Variants in DLG2 observed in about 807,000 individuals in gnomAD.
DLG2 encodes the protein discs large MAGUK scaffold protein 2.
DLG2 carries 45 observed loss-of-function variants against 132.5 expected under a neutral mutation model. That is an observed-to-expected ratio of 0.34 (90% CI 0.27 to 0.44). The LOEUF (loss-of-function observed/expected upper bound fraction) is 0.44. Among genes scored for constraint, DLG2 ranks in the 20% least tolerant of loss-of-function variants. The pLI is 1.00. For missense variants in DLG2, 1,045 were observed against 1,196.9 expected, an observed-to-expected ratio of 0.87 and a Z score of 1.87; for synonymous variants, 424 against 419.6, an observed-to-expected ratio of 1.01 and a Z score of -0.13.
chr11:84,796,193 T>C (rs930713035), intron 6 of DLG2, among the ~76,000 whole-genome samples: 1 of 152,222 alleles, frequency 6.6e-6, no homozygotes, highest in Non-Finnish European at 1.5e-5. Flanking sequence ...TGTATGCCTG[T>C]ATCAAAACAT....
intron 15 of DLG2, among the ~76,000 whole-genome samples, chr11:83,903,887 G>A (rs917818324): frequency 2.6e-5 from 4 of 152,040 alleles, no homozygotes; most frequent in Admixed American, 2.0e-4. Flanking sequence ...AACTGCAGGT[G>A]GTAATGGACC....
At chr11:84,322,047 G>A (rs1366395796) in intron 7 of DLG2, among the ~76,000 whole-genome samples, 1 of 152,090 alleles carries the variant, frequency 6.6e-6, no homozygotes, top group South Asian at 2.1e-4. Flanking sequence ...TTGCTAGTAG[G>A]GCAATGAAAG....
intron 6 of DLG2, among the ~76,000 whole-genome samples, chr11:84,582,076 T>C (rs1453634674): frequency 6.6e-6 from 1 of 152,060 alleles, no homozygotes; most frequent in East Asian, 1.9e-4. Flanking sequence ...AACTCAGGCC[T>C]GTCAGATAAG....
rs570092225 is a variant in DLG2, at chr11:85,427,144, C to T, written c.41-141779G>A. 3.9e-5 allele frequency among the ~76,000 whole-genome samples: 6 copies of T among 152,292 alleles called. No individual in the cohort carries two copies. The East Asian group carries it at 1.2e-3, about 29-fold the overall frequency. On this transcript the variant is annotated intron_variant, in intron 3 of 27. Coordinates refer to ENST00000376104, the MANE Select transcript of DLG2 (RefSeq NM_001142699.3). ...GGACTATGTGAAAAGACCAAATCTA[C>T]ATCGATTGGTGTACCTGAAAGTGAA...
At chr11:83,805,152 A>C (rs1411443698) in intron 17 of DLG2, among the ~76,000 whole-genome samples, 1 of 152,140 alleles carries the variant, frequency 6.6e-6, no homozygotes, top group East Asian at 1.9e-4. Flanking sequence ...CTATTTTGCA[A>C]ATAACAATCT....
At chr11:85,553,570 A>G (rs1465268169) in intron 3 of DLG2, among the ~76,000 whole-genome samples, 1 of 151,634 alleles carries the variant, frequency 6.6e-6, no homozygotes, top group Non-Finnish European at 1.5e-5. Context: ...AAAAACTGAT[A>G]TTAATTGATT....
At chr11:84,238,042 TAAAAAA>T (rs71036414) in intron 8 of DLG2, among the ~76,000 whole-genome samples, 1 of 73,110 alleles carries the variant, frequency 1.4e-5, no homozygotes, top group Non-Finnish European at 2.6e-5. Context: ...AGACTCTGCC[TAAAAAA>T]AAAAAAAAAA....
chr11:85,395,283 T>G (rs1389732247), intron 3 of DLG2, among the ~76,000 whole-genome samples: 1 of 152,190 alleles, frequency 6.6e-6, no homozygotes. Context: ...AAGAAGCAGT[T>G]GCTTCCAGGG....
intron 16 of DLG2, among the ~76,000 whole-genome samples, chr11:83,850,973 G>A (rs765972571): frequency 3.3e-5 from 5 of 151,924 alleles, no homozygotes; most frequent in African/African-American, 4.8e-5. Flanking sequence ...TCAGGAGATC[G>A]AGATCATCCT....
At chr11:84,537,612 T>A (rs17734964) in intron 6 of DLG2, among the ~76,000 whole-genome samples, 12,923 of 152,308 alleles carry the variant, frequency 0.085, 562 homozygotes, top group South Asian at 0.12. Context: ...AACTTCTTCA[T>A]GTGCATGTTC....
At chr11:84,012,486 T>C (rs561133605) in intron 11 of DLG2, among the ~76,000 whole-genome samples, 132 of 152,294 alleles carry the variant, frequency 8.7e-4, no homozygotes, top group African/African-American at 2.7e-3. Context: ...GGCATTTATA[T>C]ATTGCATGTA....
chr11:83,750,741 T>A (rs115430753), intron 18 of DLG2, among the ~76,000 whole-genome samples: 2 of 152,052 alleles, frequency 1.3e-5, no homozygotes, highest in African/African-American at 4.8e-5. Context: ...TCAAAACATA[T>A]AGAATAAAAA....
intron 3 of DLG2, chr11:85,469,215 T>C (rs2092906945): frequency 6.6e-6 from 1 of 152,210 alleles, no homozygotes; most frequent in Non-Finnish European, 1.5e-5. Context: ...TTTACCACTT[T>C]GGTCAAAAGA....
chr11:83,462,040 G>A lies in DLG2; in HGVS notation c.2783C>T (p.Ala928Val). 6.2e-7 allele frequency: 1 copy of A among 1,613,386 alleles called. No individual in the cohort carries two copies. Among genetic ancestry groups the A allele is most frequent in the Non-Finnish European group, 8.5e-7 (1 of 1,179,380 alleles). Residue 928 changes from alanine (A) to valine (V), a missense_variant, in exon 27 of 28, where the codon GCA (alanine) becomes GTA (valine). Transcript: ENST00000376104. ...EEQAKKTYDR[A>V]IKLEQEFGEY... ...TCCAAATTCTTGTTCTAGCTTAATT[G>A]CTCGATCATAGGTTTTCTTGGCTTG... is the stretch of plus-strand genomic sequence containing the variant.
At chr11:85,447,148 C>T (rs2153038218) in intron 3 of DLG2, among the ~76,000 whole-genome samples, 1 of 152,288 alleles carries the variant, frequency 6.6e-6, no homozygotes, top group South Asian at 2.1e-4. Context: ...TTACAATTTT[C>T]ACTTTAAGTC....
chr11:83,718,185 T>C (rs1272282419), intron 18 of DLG2, among the ~76,000 whole-genome samples: 1 of 152,116 alleles, frequency 6.6e-6, no homozygotes, highest in Non-Finnish European at 1.5e-5. Flanking sequence ...CTGTGGGCAA[T>C]TGGGAGTAGA....
intron 19 of DLG2, among the ~76,000 whole-genome samples, chr11:83,563,230 G>C (rs545551298): frequency 6.6e-6 from 1 of 152,112 alleles, no homozygotes; most frequent in Non-Finnish European, 1.5e-5. Flanking sequence ...GCCCGCCTCG[G>C]CCTCCCAAAG....
intron 19 of DLG2, among the ~76,000 whole-genome samples, chr11:83,592,048 G>A (rs564096891): frequency 2.4e-4 from 36 of 148,398 alleles, no homozygotes; most frequent in African/African-American, 7.7e-4. Flanking sequence ...AATCAATATC[G>A]TGAAAATGGC....
intron 18 of DLG2, among the ~76,000 whole-genome samples, chr11:83,703,048 T>C (rs1345937658): frequency 2.0e-5 from 3 of 152,366 alleles, no homozygotes; most frequent in Middle Eastern, 3.4e-3. Context: ...TGTTCCAGCA[T>C]TTCACAGACA....
Sources: allele counts gnomAD v4.1 joint callset (sites outside exome capture counted in the v4.1 genomes callset), GRCh38; gene constraint gnomAD v4.1.1; transcripts MANE v1.5; gene names NCBI Gene and HGNC (gene_info 2026-07-23, HGNC 2026-07-21).